Variants in LCLAT1 observed in about 807,000 individuals in gnomAD.
LCLAT1 encodes lysocardiolipin acyltransferase 1.
Under a neutral mutation model 30.7 loss-of-function variants are expected in LCLAT1, and 11 were observed. That is an observed-to-expected ratio of 0.36 (90% CI 0.23 to 0.59). LCLAT1 has a LOEUF of 0.59. Among genes scored for constraint, LCLAT1 ranks in the 20% least tolerant of loss-of-function variants. The pLI is 0.77. For missense variants in LCLAT1, 402 were observed against 458.6 expected, an observed-to-expected ratio of 0.88 and a Z score of 1.13; for synonymous variants, 155 against 151.3, an observed-to-expected ratio of 1.02 and a Z score of -0.18.
intron 1 of LCLAT1, among the ~76,000 whole-genome samples, chr2:30,478,893 A>G (rs1418421913): frequency 1.3e-5 from 2 of 152,182 alleles, no homozygotes; most frequent in African/African-American, 4.8e-5. Flanking sequence ...CTTGTGTTAC[A>G]TTGTAAAAGG....
intron 5 of LCLAT1, among the ~76,000 whole-genome samples, chr2:30,594,798 C>G (rs970434559): frequency 2.0e-5 from 3 of 152,296 alleles, no homozygotes; most frequent in African/African-American, 7.2e-5. Context: ...AACAACCAAG[C>G]AGATTTTATT....
chr2:30,454,993 T>A (rs1015364531), intron 1 of LCLAT1, among the ~76,000 whole-genome samples: 1 of 152,210 alleles, frequency 6.6e-6, no homozygotes, highest in Non-Finnish European at 1.5e-5. Context: ...AAGTCGGAGT[T>A]ACTCAAGATT....
chr2:30,492,406 A>G (rs1340084873), intron 1 of LCLAT1, among the ~76,000 whole-genome samples: 1 of 152,134 alleles, frequency 6.6e-6, no homozygotes, highest in Non-Finnish European at 1.5e-5. Context: ...GACATGAGGT[A>G]TAAATTGAGC....
chr2:30,516,890 G>A (rs756722279), intron 1 of LCLAT1, among the ~76,000 whole-genome samples: 4 of 152,280 alleles, frequency 2.6e-5, no homozygotes, highest in South Asian at 2.1e-4. Flanking sequence ...GGGAAAAGGC[G>A]AACAGCCCCC....
intron 1 of LCLAT1, among the ~76,000 whole-genome samples, chr2:30,467,913 T>C (rs1682532170): frequency 6.6e-6 from 1 of 152,244 alleles, no homozygotes; most frequent in African/African-American, 2.4e-5. Flanking sequence ...GATGGTACTT[T>C]CTTTTGCTGT....
intron 3 of LCLAT1, among the ~76,000 whole-genome samples, chr2:30,540,782 A>T (rs1664101093): frequency 6.6e-6 from 1 of 151,350 alleles, no homozygotes. Context: ...CTCCTGCCTC[A>T]GCCTCCCAAG....
At chr2:30,518,332 G>GA (rs1454147946) in intron 1 of LCLAT1, among the ~76,000 whole-genome samples, 1 of 151,978 alleles carries the variant, frequency 6.6e-6, no homozygotes, top group Non-Finnish European at 1.5e-5. Context: ...GTGATTGAGG[G>GA]AAAAAAACAC....
intron 1 of LCLAT1, among the ~76,000 whole-genome samples, chr2:30,514,371 A>G (rs1685082649): frequency 6.6e-6 from 1 of 152,248 alleles, no homozygotes; most frequent in South Asian, 2.1e-4. Context: ...TTTTGAGATT[A>G]GGATACTAGA....
At chr2:30,532,531 G>A (rs1686032327) in intron 2 of LCLAT1, among the ~76,000 whole-genome samples, 1 of 152,080 alleles carries the variant, frequency 6.6e-6, no homozygotes, top group Admixed American at 6.5e-5. Context: ...TGGCCCATCA[G>A]AAAAGCAAAT....
intron 1 of LCLAT1, among the ~76,000 whole-genome samples, chr2:30,467,324 T>G (rs911732625): frequency 6.6e-6 from 1 of 152,266 alleles, no homozygotes; most frequent in Non-Finnish European, 1.5e-5. Flanking sequence ...CACATTTTCT[T>G]AATCCAGTTT....
chr2:30,523,732 G>A lies in LCLAT1; in HGVS notation c.-4-1855G>A, dbSNP rs115437782. ...AAAATACAAAAATCAGATGAGTGTG[G>A]TGGCGCGTGTCTGTAATCCTGGCTA... On this transcript the variant is annotated intron_variant, in intron 1 of 5. Coordinates refer to ENST00000379509, the MANE Select transcript of LCLAT1 (RefSeq NM_001002257.3). Among the ~76,000 whole-genome samples the A allele has an allele frequency of 6.9e-3, 1,058 of 152,266 alleles. 12 individuals carry two copies. The highest frequency in any genetic ancestry group is 0.025 in the African/African-American group (1,018 of 41,546).
intron 5 of LCLAT1, among the ~76,000 whole-genome samples, chr2:30,568,864 C>CAAAAAAAAAAAAAAA (rs61325694): frequency 4.3e-4 from 38 of 89,084 alleles, no homozygotes; most frequent in East Asian, 7.8e-4. Context: ...TCATGAATAG[C>CAAAAAAAAAAAAAAA]AAAAAAAAAA....
chr2:30,484,155 A>G (rs1490695332), intron 1 of LCLAT1, among the ~76,000 whole-genome samples: 1 of 152,110 alleles, frequency 6.6e-6, no homozygotes, highest in African/African-American at 2.4e-5. Flanking sequence ...TTGCTGATCC[A>G]TCATATTCTC....
At chr2:30,558,384 G>A (rs1166764415) in intron 3 of LCLAT1, among the ~76,000 whole-genome samples, 1 of 152,118 alleles carries the variant, frequency 6.6e-6, no homozygotes, top group African/African-American at 2.4e-5. Context: ...TGGATCACCT[G>A]AGGTCAGGAG....
intron 1 of LCLAT1, among the ~76,000 whole-genome samples, chr2:30,495,183 G>A (rs758832362): frequency 1.3e-5 from 2 of 152,038 alleles, no homozygotes; most frequent in Non-Finnish European, 2.9e-5. Context: ...ATTTAATCAA[G>A]TGCAGAAACA....
intron 1 of LCLAT1, among the ~76,000 whole-genome samples, chr2:30,505,854 G>A (rs1027834788): frequency 5.9e-5 from 9 of 152,162 alleles, no homozygotes; most frequent in African/African-American, 2.4e-5. Flanking sequence ...TTGGAGAACT[G>A]TGAATATTTA....
At chr2:30,457,584 C>G (rs829577) in intron 1 of LCLAT1, among the ~76,000 whole-genome samples, 33,304 of 152,096 alleles carry the variant, frequency 0.22, 3,760 homozygotes, top group East Asian at 0.35. Context: ...ATCTGTTAAG[C>G]AAATTCATTT....
At chr2:30,631,407 G>T (rs1236166266) in intron 5 of LCLAT1, among the ~76,000 whole-genome samples, 8 of 152,152 alleles carry the variant, frequency 5.3e-5, no homozygotes, top group Non-Finnish European at 8.8e-5. Context: ...TATCCTAAAG[G>T]CTATGTTTCT....
intron 1 of LCLAT1, among the ~76,000 whole-genome samples, chr2:30,502,583 T>C (rs1255209313): frequency 1.3e-5 from 2 of 152,208 alleles, no homozygotes; most frequent in Non-Finnish European, 2.9e-5. Flanking sequence ...TCTGTAGCTT[T>C]GTCTGGTCTG....
Sources: allele counts gnomAD v4.1 joint callset (sites outside exome capture counted in the v4.1 genomes callset), GRCh38; gene constraint gnomAD v4.1.1; transcripts MANE v1.5; gene names NCBI Gene and HGNC (gene_info 2026-07-23, HGNC 2026-07-21).